The following DPP10 variants were observed in gnomAD, a reference collection of about 807,000 sequenced individuals.
The protein encoded by DPP10 is inactive dipeptidyl peptidase 10.
A neutral mutation model predicts 120.9 loss-of-function variants in DPP10; 33 were observed. The observed-to-expected ratio is 0.27, with a 90% CI of 0.21 to 0.37. DPP10 has a LOEUF of 0.37. Among genes scored for constraint, DPP10 ranks in the 10% least tolerant of loss-of-function variants. DPP10 has a pLI of 1.00. For missense variants in DPP10, 816 were observed against 942.8 expected, an observed-to-expected ratio of 0.87 and a Z score of 1.76; for synonymous variants, 337 against 326.1, an observed-to-expected ratio of 1.03 and a Z score of -0.36.
In DPP10 at chr2:115,493,734, T is replaced by C. The variant is rs2076247700; in HGVS notation, c.272-5776T>C. Among the ~76,000 whole-genome samples the C allele has an allele frequency of 1.3e-5, 2 of 151,998 alleles. 1 individual carries two copies. Among genetic ancestry groups the C allele is most frequent in the African/African-American group, 4.8e-5 (2 of 41,378 alleles). On this transcript the variant is annotated intron_variant, in intron 3 of 25. Coordinates refer to ENST00000410059, the MANE Select transcript of DPP10 (RefSeq NM_020868.6). ...ATATTAAACATGGGGGAAGAACATA[T>C]TGTATTTGGTTATTGCAGGTCAGTG... is the stretch of plus-strand genomic sequence containing the variant.
chr2:114,637,311 G>T (rs1170268070), intron 1 of DPP10, among the ~76,000 whole-genome samples: 1 of 151,910 alleles, frequency 6.6e-6, no homozygotes. Flanking sequence ...CAAGATTGAA[G>T]ACTTTAGGAG....
At chr2:114,968,733 A>G (rs907389892) in intron 1 of DPP10, among the ~76,000 whole-genome samples, 1 of 152,196 alleles carries the variant, frequency 6.6e-6, no homozygotes, top group African/African-American at 2.4e-5. Context: ...GTAAAGCCAA[A>G]CGTTTACTAA....
chr2:114,468,096 T>C (rs1679570023), intron 1 of DPP10, among the ~76,000 whole-genome samples: 1 of 152,106 alleles, frequency 6.6e-6, no homozygotes, highest in Non-Finnish European at 1.5e-5. Context: ...TATCAGGTGC[T>C]GGTAGGGTCT....
intron 1 of DPP10, among the ~76,000 whole-genome samples, chr2:115,266,137 G>A (rs2059451750): frequency 6.6e-6 from 1 of 152,116 alleles, no homozygotes; most frequent in Non-Finnish European, 1.5e-5. Flanking sequence ...TAGAAGCTCT[G>A]TAATAGTTTC....
At position 115,133,145 on chromosome 2, in the gene DPP10, GTATATA is replaced by G. The variant is rs1246180843; in HGVS notation, c.61-176067_61-176062del. Among the ~76,000 whole-genome samples, 189 of 28,758 alleles carry G rather than the reference GTATATA, an allele frequency of 6.6e-3. 3 individuals carry two copies. The highest frequency in any genetic ancestry group is 8.1e-3 in the Non-Finnish European group (123 of 15,104). 18.9% of individuals were successfully genotyped at this position (28,758 alleles called of 152,430 possible). On this transcript the variant is annotated intron_variant, in intron 1 of 25. Transcript: ENST00000410059. ...TGTGTGTGTGTGTGTGTGTGTGTGT[GTATATA>G]TATATATATATATATATATATATAT... is the stretch of plus-strand genomic sequence containing the variant.
At chr2:115,100,233 T>C (rs184372735) in intron 1 of DPP10, among the ~76,000 whole-genome samples, 1 of 152,204 alleles carries the variant, frequency 6.6e-6, no homozygotes, top group East Asian at 1.9e-4. Context: ...TCACTTGACA[T>C]GAGTTCGAGG....
chr2:114,569,306 T>C (rs938769097), intron 1 of DPP10, among the ~76,000 whole-genome samples: 3 of 152,248 alleles, frequency 2.0e-5, no homozygotes, highest in Non-Finnish European at 2.9e-5. Context: ...CTATTTGCTC[T>C]ACATTTGGGC....
chr2:115,368,200 A>G (rs1387992197), intron 3 of DPP10, among the ~76,000 whole-genome samples: 2 of 152,124 alleles, frequency 1.3e-5, no homozygotes, highest in Non-Finnish European at 2.9e-5. Context: ...CGAAATTATG[A>G]CAGAGAGAGA....
intron 1 of DPP10, among the ~76,000 whole-genome samples, chr2:115,278,755 A>C (rs1005594187): frequency 1.3e-5 from 2 of 152,092 alleles, no homozygotes; most frequent in Non-Finnish European, 2.9e-5. Flanking sequence ...GCTATTCATA[A>C]GGAATCCGTC....
At position 114,654,691 on chromosome 2, in the gene DPP10, C is replaced by A. The variant is rs560116991; in HGVS notation, c.60+211853C>A. ...TTTTGTAAGATCTGGCAGCATTGGG[C>A]CTTTATTGCTGCATTGTCAGGAACT... On this transcript the variant is annotated intron_variant, in intron 1 of 25. Transcript: ENST00000410059. 9.2e-5 allele frequency among the ~76,000 whole-genome samples: 14 copies of A among 152,008 alleles called. No homozygotes were observed. The East Asian group carries it at 2.5e-3, about 27-fold the overall frequency.
intron 1 of DPP10, among the ~76,000 whole-genome samples, chr2:114,834,618 C>A (rs1687496954): frequency 7.3e-6 from 1 of 137,896 alleles, no homozygotes; most frequent in Non-Finnish European, 1.6e-5. Flanking sequence ...CATATCTAAG[C>A]ACCTATGTAT....
chr2:115,461,993 T>A (rs2074014312), intron 3 of DPP10, among the ~76,000 whole-genome samples: 1 of 152,174 alleles, frequency 6.6e-6, no homozygotes, highest in African/African-American at 2.4e-5. Context: ...CTTAGAGAAA[T>A]TGAATGGTAT....
chr2:115,091,620 T>C (rs568903663), intron 1 of DPP10, among the ~76,000 whole-genome samples: 35 of 152,328 alleles, frequency 2.3e-4, no homozygotes, highest in South Asian at 1.2e-3. Context: ...CTATTTTTCA[T>C]TGGCCGTCCG....
chr2:115,774,711 A>G (rs995005601), intron 13 of DPP10, among the ~76,000 whole-genome samples: 1 of 152,184 alleles, frequency 6.6e-6, no homozygotes, highest in Non-Finnish European at 1.5e-5. Context: ...CACTAAGAAC[A>G]TAAAATAGAC....
chr2:115,696,850 A>G (rs1018270052), intron 7 of DPP10, among the ~76,000 whole-genome samples: 1 of 152,144 alleles, frequency 6.6e-6, no homozygotes, highest in African/African-American at 2.4e-5. Flanking sequence ...TTTTTTAGAC[A>G]TAATTTAAGA....
chr2:115,267,577 T>G (rs2105789832), intron 1 of DPP10, among the ~76,000 whole-genome samples: 1 of 152,180 alleles, frequency 6.6e-6, no homozygotes, highest in African/African-American at 2.4e-5. Context: ...TGTATTCCCC[T>G]CTCCTCTCCT....
chr2:114,794,692 T>G (rs1683547791), intron 1 of DPP10, among the ~76,000 whole-genome samples: 1 of 152,234 alleles, frequency 6.6e-6, no homozygotes, highest in Non-Finnish European at 1.5e-5. Context: ...ACTACCTTAT[T>G]GTTCCAGCAA....
intron 1 of DPP10, among the ~76,000 whole-genome samples, chr2:115,086,607 C>G (rs1449387474): frequency 6.6e-6 from 1 of 152,048 alleles, no homozygotes; most frequent in Non-Finnish European, 1.5e-5. Context: ...CAGGCGCCCA[C>G]CACTATGCCT....
chr2:114,798,957 C>G (rs781061196), intron 1 of DPP10, among the ~76,000 whole-genome samples: 6 of 151,950 alleles, frequency 3.9e-5, no homozygotes, highest in Non-Finnish European at 5.9e-5. Flanking sequence ...GGTGAAACCC[C>G]GTCTCTACTA....
Sources: allele counts gnomAD v4.1 joint callset (sites outside exome capture counted in the v4.1 genomes callset), GRCh38; gene constraint gnomAD v4.1.1; transcripts MANE v1.5; gene names NCBI Gene and HGNC (gene_info 2026-07-23, HGNC 2026-07-21).